Variants in REL observed in about 807,000 individuals in gnomAD.
The protein encoded by REL is REL proto-oncogene, NF-kB subunit.
In REL, 15 loss-of-function variants were observed where a neutral mutation model predicts 45.9. The ratio of observed to expected loss-of-function variants is 0.33; its 90% CI spans 0.22 to 0.50. The LOEUF is 0.50. REL is among the 20% of genes least tolerant of loss of function. REL has a pLI of 0.98. For missense variants in REL, 601 were observed against 715.2 expected (o/e 0.84, Z 1.82); for synonymous variants, 239 against 242.1 (o/e 0.99, Z 0.12).
intron 5 of REL, among the ~76,000 whole-genome samples, chr2:60,917,633 A>G (rs1192898063): frequency 6.7e-6 from 1 of 149,026 alleles, no homozygotes; most frequent in East Asian, 2.0e-4. Context: ...CTCAAAGGAT[A>G]TGGATATATC....
intron 7 of REL, among the ~76,000 whole-genome samples, chr2:60,919,411 GGTTTTTTT>G (rs540036957): frequency 0.014 from 2,134 of 151,116 alleles, 50 homozygotes; most frequent in African/African-American, 0.047. Context: ...ATTTTTGTGG[GGTTTTTTT>G]GTTTTTTTGT....
At chr2:60,918,074 T>C (rs972129137) in intron 5 of REL, 117 bp from the exon 6 acceptor site, 9 of 629,732 alleles carry the variant, frequency 1.4e-5, no homozygotes, top group Non-Finnish European at 2.5e-5. Flanking sequence ...TAGTGTCATT[T>C]ATCTATACAC....
In REL at chr2:60,914,842, T is replaced by G. The variant is rs188720565; in HGVS notation, c.395-2035T>G. On this transcript the variant is annotated intron_variant, in intron 4 of 9. Coordinates refer to ENST00000394479, the MANE Select transcript of REL (RefSeq NM_001291746.2). The stretch of plus-strand genomic sequence containing the variant: ...CCCATAGCTTGTTTTTTTGTTTTTT[T>G]TTTTTTTTTGAGATGGAGTCTTGCT... Among the ~76,000 whole-genome samples, 311 of 151,124 alleles carry G rather than the reference T, an allele frequency of 2.1e-3. 4 individuals carry two copies. The highest frequency in any genetic ancestry group is 2.1e-3 in the African/African-American group (86 of 41,218).
At chr2:60,920,262 G>T in intron 8 of REL, 153 bp downstream of exon 8, 6 of 660,906 alleles carry the variant, frequency 9.1e-6, no homozygotes, top group Non-Finnish European at 1.6e-5. Context: ...AGTGCAGTAG[G>T]GCAATCTCAA....
chr2:60,883,930 C>G (rs1211009744), intron 1 of REL, among the ~76,000 whole-genome samples: 9 of 129,794 alleles, frequency 6.9e-5, no homozygotes, highest in African/African-American at 2.6e-4. Flanking sequence ...AATTGTAATT[C>G]AGTTGTTAGA....
In REL at chr2:60,918,639, T is replaced by A. The variant is rs752057210; in HGVS notation, c.853+33T>A. ...ATTTTGCTGGTAATAATTTATATATTTCTTGAAGTGGTCCTGCTAATAACA... is the reference window on the plus strand; with the variant it reads ...ATTTTGCTGGTAATAATTTATATATATCTTGAAGTGGTCCTGCTAATAACA... On this transcript the variant is annotated intron_variant, in intron 7 of 9. Coordinates refer to ENST00000394479, the MANE Select transcript of REL (RefSeq NM_001291746.2). The A allele has an allele frequency of 5.6e-6, 8 of 1,422,102 alleles. No individual in the cohort carries two copies. The South Asian group carries it at 9.2e-5, about 16-fold the overall frequency. The allele number at this position is 1,422,102 out of a possible 1,614,324, so 88.1% of individuals were successfully genotyped here. A position where few individuals can be genotyped will look rare whatever the true frequency, so the allele number is the denominator to read the frequency against.
At chr2:60,912,004 A>G (rs1487806025) in intron 4 of REL, among the ~76,000 whole-genome samples, 1 of 150,292 alleles carries the variant, frequency 6.7e-6, no homozygotes, top group East Asian at 1.9e-4. Context: ...CAAAAAAAAA[A>G]AAAAAAAAAA....
chr2:60,929,332 A>G lies in REL; in HGVS notation c.*6797A>G, dbSNP rs1249242665. ...CATCCCATTACTGGGTATATACCCA[A>G]AGGACTATAAATCATGCTGCTATAA... On this transcript the variant is annotated 3_prime_UTR_variant, in exon 10 of 10. Transcript: ENST00000394479. 3 of 140,592 alleles carry G rather than the reference A, an allele frequency of 2.1e-5. No homozygotes were observed. The highest frequency in any genetic ancestry group is 1.4e-4 in the Admixed American group (2 of 14,086). The allele number at this position is 140,592 out of a possible 1,614,324, so 8.7% of individuals were successfully genotyped here. A position where few individuals can be genotyped will look rare whatever the true frequency, so the allele number is the denominator to read the frequency against.
intron 2 of REL, among the ~76,000 whole-genome samples, chr2:60,893,747 T>C (rs961426978): frequency 6.6e-6 from 1 of 152,198 alleles, no homozygotes; most frequent in African/African-American, 2.4e-5. Flanking sequence ...CTGGTTTTTA[T>C]AGTCCCTGCT....
chr2:60,889,616 T>TC (rs1207122347), intron 1 of REL, among the ~76,000 whole-genome samples: 2 of 151,954 alleles, frequency 1.3e-5, no homozygotes, highest in African/African-American at 4.8e-5. Context: ...CCTCCCCCCT[T>TC]CCCCCACCCC....
rs183307529 is a variant in REL, at chr2:60,891,084, T to A, written c.11-599T>A. ...TTGCATGGGACTGATTGCACATTCTTTGAGCCTAAAGTCCCTCCTGGGGCT... is the reference window on the plus strand; with the variant it reads ...TTGCATGGGACTGATTGCACATTCTATGAGCCTAAAGTCCCTCCTGGGGCT... On this transcript the variant is annotated intron_variant, in intron 1 of 9. Transcript: ENST00000394479. Among the ~76,000 whole-genome samples the A allele has an allele frequency of 6.1e-4, 93 of 152,330 alleles. 1 individual carries two copies. Among genetic ancestry groups the A allele is most frequent in the Middle Eastern group, 3.4e-3 (1 of 294 alleles).
intron 1 of REL, among the ~76,000 whole-genome samples, chr2:60,882,235 C>T (rs1672959573): frequency 6.6e-6 from 1 of 152,164 alleles, no homozygotes; most frequent in Non-Finnish European, 1.5e-5. Context: ...GCTCTCTCCC[C>T]CTTTTTAGTT....
intron 3 of REL, among the ~76,000 whole-genome samples, chr2:60,897,548 TCCTCCTG>T: frequency 6.6e-6 from 1 of 152,114 alleles, no homozygotes; most frequent in Non-Finnish European, 1.5e-5. Flanking sequence ...CCTCAGGTGA[TCCTCCTG>T]CCTCAGCCTC....
At chr2:60,910,935 C>A in intron 4 of REL, among the ~76,000 whole-genome samples, 1 of 152,014 alleles carries the variant, frequency 6.6e-6, no homozygotes, top group Admixed American at 6.6e-5. Flanking sequence ...CTGTCTCAAA[C>A]AAAACAAACA....
At chr2:60,911,908 G>A (rs927961124) in intron 4 of REL, among the ~76,000 whole-genome samples, 8 of 143,248 alleles carry the variant, frequency 5.6e-5, no homozygotes, top group African/African-American at 2.1e-4. Flanking sequence ...TGAGGCAGGA[G>A]AATCACTTGA....
rs781600180 is a variant in REL at position 60,927,386 on chromosome 2, C to T, written c.*4851C>T. ...CTGCTTCCCTTTTTTACCACACACA[C>T]ACGCACACATACCACAGCCCTTTGA... On this transcript the variant is annotated 3_prime_UTR_variant, in exon 10 of 10. Coordinates refer to ENST00000394479, the MANE Select transcript of REL (RefSeq NM_001291746.2). 3 of 232,082 alleles carry T rather than the reference C, an allele frequency of 1.3e-5. No homozygotes were observed. Among genetic ancestry groups the T allele is most frequent in the Non-Finnish European group, 2.6e-5 (3 of 117,248 alleles). The allele number at this position is 232,082 out of a possible 1,614,324, so 14.4% of individuals were successfully genotyped here.
At chr2:60,907,935 G>A (rs1362164099) in intron 4 of REL, among the ~76,000 whole-genome samples, 1 of 151,644 alleles carries the variant, frequency 6.6e-6, no homozygotes, top group East Asian at 1.9e-4. Flanking sequence ...CTCGTGTTCC[G>A]TCCACCTCGG....
rs146672254 is a variant in REL at position 60,922,327 on chromosome 2, A to C, written c.1556A>C (p.Asn519Thr). 1.2e-6 allele frequency: 2 copies of C among 1,614,154 alleles called. No individual in the cohort carries two copies. Among genetic ancestry groups the C allele is most frequent in the African/African-American group, 1.3e-5 (1 of 75,034 alleles). Reference sequence around the variant, plus strand: ...AGTATGTCAGCAGGCGCCAATTCCAATACTACTGTTTTTGTTTCACAATCA... The same window carrying C: ...AGTATGTCAGCAGGCGCCAATTCCACTACTACTGTTTTTGTTTCACAATCA... The part of the protein sequence containing the change: ...SSSMSAGANS[N>T]TTVFVSQSDA... The change falls in exon 10 of 10, where the codon AAT (asparagine) becomes ACT (threonine). Residue 519 changes from asparagine to threonine, a missense_variant. Asn to Thr is a moderately conservative substitution (Grantham distance 65, BLOSUM62 0). Around this residue, in one of 4 missense-constraint regions of REL, gnomAD observed 334 missense variants for 333.1 expected, o/e 1.00. Transcript: ENST00000394479.
In REL at chr2:60,881,791, C is replaced by T. The variant is rs147771199; in HGVS notation, c.-50C>T. The stretch of plus-strand genomic sequence containing the variant: ...CCTGACTGACTGACTGCGGCCGCCT[C>T]CGGCCAGGACGCTGGGAGCTGCCTG... On this transcript the variant is annotated 5_prime_UTR_variant, in exon 1 of 10. Coordinates refer to ENST00000394479, the MANE Select transcript of REL (RefSeq NM_001291746.2). 3.3e-6 allele frequency: 5 copies of T among 1,526,552 alleles called. No homozygotes were observed. Among genetic ancestry groups the T allele is most frequent in the South Asian group, 1.2e-5 (1 of 83,472 alleles). The allele number at this position is 1,526,552 out of a possible 1,614,324, so 94.6% of individuals were successfully genotyped here. A position where few individuals can be genotyped will look rare whatever the true frequency, so the allele number is the denominator to read the frequency against.
Sources: allele counts gnomAD v4.1 joint callset (sites outside exome capture counted in the v4.1 genomes callset), GRCh38; gene constraint gnomAD v4.1.1; regional missense constraint gnomAD v4.1.1; transcripts MANE v1.5; gene names NCBI Gene and HGNC (gene_info 2026-07-23, HGNC 2026-07-21).